ZNF80: variants seen among roughly 807,000 people sequenced by gnomAD.
The protein encoded by ZNF80 is zinc finger protein 80.
For missense variants in ZNF80, 394 were observed against 334.1 expected, an observed-to-expected ratio of 1.18 and a Z score of -1.40; for synonymous variants, 132 against 119.4, an observed-to-expected ratio of 1.11 and a Z score of -0.69.
Position 114,237,067 on chromosome 3 carries a change from G to C in ZNF80, c.8C>G (p.Pro3Arg). Residue 3 changes from proline to arginine, a missense_variant, in exon 1 of 1, where the codon CCT (proline) becomes CGT (arginine). By Grantham distance (103) the Pro-to-Arg change is moderately radical (BLOSUM62 -2). Transcript: ENST00000482457. MS[P>R]KRDGLGTGDG... is the part of the protein sequence containing the mutation. ...ACCTGTCCCCAACCCATCGCGTTTA[G>C]GGCTCATCTTCCTCCAGAAGGTCTC... 6.3e-7 allele frequency: 1 copy of C among 1,586,172 alleles called. No homozygotes were observed. Among genetic ancestry groups the C allele is most frequent in the Non-Finnish European group, 8.6e-7 (1 of 1,165,778 alleles).
In ZNF80 at chr3:114,236,162, C is replaced by T; in HGVS notation, c.*91G>A. 1.0e-6 allele frequency: 1 copy of T among 960,320 alleles called. No homozygotes were observed. The highest frequency in any genetic ancestry group is 1.6e-6 in the Non-Finnish European group (1 of 644,112). 59.5% of individuals were successfully genotyped at this position (960,320 alleles called of 1,614,324 possible). ...GCAGGTCACAGCTTTCCTACTGCCACTGAATTCAGAGTGCTTCTCCTCAGT... is the reference window on the plus strand; with the variant it reads ...GCAGGTCACAGCTTTCCTACTGCCATTGAATTCAGAGTGCTTCTCCTCAGT... On this transcript the variant is annotated 3_prime_UTR_variant, in exon 1 of 1. Transcript: ENST00000482457.
chr3:114,236,562 G>A lies in ZNF80; in HGVS notation c.513C>T (p.Tyr171=). The change falls in exon 1 of 1, where the codon TAC becomes TAT. Residue 171 remains tyrosine, a synonymous_variant. Coordinates refer to ENST00000482457, the MANE Select transcript of ZNF80 (RefSeq NM_007136.4). The stretch of plus-strand genomic sequence containing the variant: ...TGTGCCGGGTTAAGGAAGAGTTGTA[G>A]TAAAAGGTTTTTCCACATTCTTTGC... ...FGCKECGKTF[Y]YNSSLTRHMK... The A allele has an allele frequency of 6.2e-7, 1 of 1,614,064 alleles. No individual in the cohort carries two copies. The highest frequency in any genetic ancestry group is 8.5e-7 in the Non-Finnish European group (1 of 1,180,008).
rs146464395 is a variant in ZNF80 at position 114,236,906 on chromosome 3, C to T, written c.169G>A (p.Val57Met). ...KTYKCKECGSVFNKNSLLVRH... is the reference protein window; with the variant it reads ...KTYKCKECGSMFNKNSLLVRH... ...ACAAGGAGGCTGTTTTTGTTAAACACGCTCCCACATTCCTTGCATTTGTAG... is the reference window on the plus strand; with the variant it reads ...ACAAGGAGGCTGTTTTTGTTAAACATGCTCCCACATTCCTTGCATTTGTAG... Residue 57 changes from valine to methionine, a missense_variant, in exon 1 of 1, where the codon GTG becomes ATG. Val to Met is a conservative substitution (Grantham distance 21, BLOSUM62 1). Transcript: ENST00000482457. The T allele has an allele frequency of 0.012, 19,468 of 1,614,156 alleles. 349 individuals carry two copies. The highest frequency in any genetic ancestry group is 0.084 in the Admixed American group (5,070 of 60,022).
rs2078207607 is a variant in ZNF80, at chr3:114,237,061, C to G, written c.14G>C (p.Arg5Pro). ...ACCATCACCTGTCCCCAACCCATCG[C>G]GTTTAGGGCTCATCTTCCTCCAGAA... is the stretch of plus-strand genomic sequence containing the variant. MSPK[R>P]DGLGTGDGLH... is the part of the protein sequence containing the mutation. The change falls in exon 1 of 1, where the codon CGC (arginine) becomes CCC (proline). Residue 5 changes from arginine to proline, a missense_variant. Transcript: ENST00000482457. 19 of 1,589,978 alleles carry G rather than the reference C, an allele frequency of 1.2e-5. No homozygotes were observed. In the East Asian group the frequency reaches 4.3e-4, roughly 36 times the overall value.
chr3:114,236,488 T>A lies in ZNF80; in HGVS notation c.587A>T (p.Lys196Met), dbSNP rs2107923886. ...EKPCKCSECG[K>M]TFTYRSVFFR... ...GAAAACAGAGCGGTAGGTGAAGGTC[T>A]TCCCGCACTCACTGCACTTGCAGGG... The change falls in exon 1 of 1, where the codon AAG (lysine) becomes ATG (methionine). Residue 196 changes from lysine (K) to methionine (M), a missense_variant. Physicochemically the swap from Lys to Met is moderately conservative, Grantham distance 95. Transcript: ENST00000482457. 1.2e-6 allele frequency: 2 copies of A among 1,612,908 alleles called. No individual in the cohort carries two copies. Among genetic ancestry groups the A allele is most frequent in the East Asian group, 4.5e-5 (2 of 44,852 alleles).
Position 114,237,138 on chromosome 3 carries a change from A to C in ZNF80, c.-64T>G. On this transcript the variant is annotated 5_prime_UTR_variant, in exon 1 of 1. Transcript: ENST00000482457. ...AACTCAAGTGCCCTTCTGCATTTCC[A>C]ACTGTGTCCGGAATTGGTGGGTTCT... 2.1e-6 allele frequency: 3 copies of C among 1,450,470 alleles called. No homozygotes were observed. In the South Asian group the frequency reaches 4.0e-5, roughly 19 times the overall value. The allele number at this position is 1,450,470 out of a possible 1,614,324, so 89.8% of individuals were successfully genotyped here.
rs899316474 is a variant in ZNF80 at position 114,237,024 on chromosome 3, C to G, written c.51G>C (p.Gln17His). The G allele has an allele frequency of 1.2e-6, 2 of 1,613,004 alleles. No individual in the cohort carries two copies. Among genetic ancestry groups the G allele is most frequent in the Admixed American group, 1.7e-5 (1 of 59,994 alleles). Reference sequence around the variant, plus strand: ...CTGTGGAGACCTGCTCCTGTAAAACCTGTGAGTGCAGACCATCACCTGTCC... The same window carrying G: ...CTGTGGAGACCTGCTCCTGTAAAACGTGTGAGTGCAGACCATCACCTGTCC... Reference protein sequence around the residue: ...GLGTGDGLHSQVLQEQVSTGD... With the variant: ...GLGTGDGLHSHVLQEQVSTGD... The change falls in exon 1 of 1, where the codon CAG (glutamine) becomes CAC (histidine). Residue 17 changes from glutamine to histidine, a missense_variant. Gln to His is a conservative substitution (Grantham distance 24, BLOSUM62 0). Coordinates refer to ENST00000482457, the MANE Select transcript of ZNF80 (RefSeq NM_007136.4).
Position 114,236,257 on chromosome 3 carries a change from A to T in ZNF80, c.818T>A (p.Leu273His). ...AAATTCCCACATCATTTGCACTCAA[A>T]GGTTTTTTCCTCCAGAGTGGATCTT... The part of the protein sequence containing the change: ...QSKIHSGGKN[L>H] The change falls in exon 1 of 1, where the codon CTT becomes CAT. Residue 273 changes from leucine (L) to histidine (H), a missense_variant. Transcript: ENST00000482457. 6.4e-7 allele frequency: 1 copy of T among 1,564,682 alleles called. No individual in the cohort carries two copies. The highest frequency in any genetic ancestry group is 8.6e-7 in the Non-Finnish European group (1 of 1,159,440).
At chr3:114,236,636 CAG>C (rs1455816829) in exon 1 of ZNF80, 10 of 1,614,176 alleles carry the variant, frequency 6.2e-6, no homozygotes, top group African/African-American at 2.7e-5. Flanking sequence ...TGGATGAAGA[CAG>C]AGTGATAGCT....
Position 114,236,227 on chromosome 3 carries a change from C to T in ZNF80, c.*26G>A. ...ATCAAAGAAAAAAAAAAAAAGAAAA[C>T]CCACAAATTCCCACATCATTTGCAC... On this transcript the variant is annotated 3_prime_UTR_variant, in exon 1 of 1. Transcript: ENST00000482457. 6.6e-7 allele frequency: 1 copy of T among 1,506,052 alleles called. No individual in the cohort carries two copies. The highest frequency in any genetic ancestry group is 1.3e-5 in the South Asian group (1 of 75,556). 93.3% of individuals were successfully genotyped at this position (1,506,052 alleles called of 1,614,324 possible).
exon 1 of ZNF80, chr3:114,237,026 G>A: frequency 6.2e-7 from 1 of 1,612,938 alleles, no homozygotes; most frequent in African/African-American, 1.3e-5. Flanking sequence ...TGTAAAACCT[G>A]TGAGTGCAGA....
Position 114,236,250 on chromosome 3 carries a change from C to A in ZNF80, c.*3G>T, listed in dbSNP as rs1394302070. ...AACCCACAAATTCCCACATCATTTG[C>A]ACTCAAAGGTTTTTTCCTCCAGAGT... On this transcript the variant is annotated 3_prime_UTR_variant, in exon 1 of 1. Transcript: ENST00000482457. 1 of 1,554,570 alleles carries A rather than the reference C, an allele frequency of 6.4e-7. No individual in the cohort carries two copies. Among genetic ancestry groups the A allele is most frequent in the Non-Finnish European group, 8.7e-7 (1 of 1,153,854 alleles).
At position 114,236,716 on chromosome 3, in the gene ZNF80, A is replaced by G; in HGVS notation, c.359T>C (p.Leu120Pro). Reference protein sequence around the residue: ...CGKVFNRRSHLLCYRQIHTGE... With the variant: ...CGKVFNRRSHPLCYRQIHTGE... ...AGTGTGAATCTGGCGGTAGCACAGGAGGTGCGACCTGCGGTTGAAGACCTT... is the reference window on the plus strand; with the variant it reads ...AGTGTGAATCTGGCGGTAGCACAGGGGGTGCGACCTGCGGTTGAAGACCTT... The change falls in exon 1 of 1, where the codon CTC becomes CCC. Residue 120 changes from leucine to proline, a missense_variant. Leu to Pro is a moderately conservative substitution (Grantham distance 98, BLOSUM62 -3). Transcript: ENST00000482457. The G allele has an allele frequency of 6.2e-7, 1 of 1,614,188 alleles. No individual in the cohort carries two copies. The highest frequency in any genetic ancestry group is 1.1e-5 in the South Asian group (1 of 91,088).
rs938210568 is a variant in ZNF80 at position 114,234,982 on chromosome 3, G to A, written c.*1271C>T. On this transcript the variant is annotated 3_prime_UTR_variant, in exon 1 of 1. Transcript: ENST00000482457. ...GATAAACATTTAGATTGTTCTCAAC[G>A]TTTCACACATAAAAACAAAACTGCA... The A allele has an allele frequency of 3.3e-5, 5 of 152,142 alleles. No homozygotes were observed. Among genetic ancestry groups the A allele is most frequent in the African/African-American group, 1.2e-4 (5 of 41,420 alleles). The allele number at this position is 152,142 out of a possible 1,614,324, so 9.4% of individuals were successfully genotyped here.
Position 114,235,967 on chromosome 3 carries a change from A to G in ZNF80, c.*286T>C, listed in dbSNP as rs2078200131. ...GAAAAATTCTCAGATGCTGAGGAAGATATTTCCTGTGGCCAAAAGATTTTC... is the reference window on the plus strand; with the variant it reads ...GAAAAATTCTCAGATGCTGAGGAAGGTATTTCCTGTGGCCAAAAGATTTTC... On this transcript the variant is annotated 3_prime_UTR_variant, in exon 1 of 1. Transcript: ENST00000482457. 3.6e-6 allele frequency: 1 copy of G among 279,678 alleles called. No individual in the cohort carries two copies. The highest frequency in any genetic ancestry group is 4.7e-5 in the Admixed American group (1 of 21,412). The allele number at this position is 279,678 out of a possible 1,614,324, so 17.3% of individuals were successfully genotyped here. A position where few individuals can be genotyped will look rare whatever the true frequency, so the allele number is the denominator to read the frequency against.
Position 114,236,581 on chromosome 3 carries a change from T to A in ZNF80, c.494A>T (p.Glu165Val), listed in dbSNP as rs1192272965. Residue 165 changes from glutamate (E) to valine (V), a missense_variant, in exon 1 of 1, where the codon GAA (glutamate) becomes GTA (valine). Transcript: ENST00000482457. ...GTTGTAGTAAAAGGTTTTTCCACAT[T>A]CTTTGCACCCAAAGAGTTTTTCTCC... ...HTGEKLFGCKECGKTFYYNSS... is the reference protein window; with the variant it reads ...HTGEKLFGCKVCGKTFYYNSS... 34 of 1,614,170 alleles carry A rather than the reference T, an allele frequency of 2.1e-5. No individual in the cohort carries two copies. The highest frequency in any genetic ancestry group is 2.8e-5 in the Non-Finnish European group (33 of 1,180,034).
exon 1 of ZNF80, chr3:114,236,747 AC>A: frequency 6.2e-7 from 1 of 1,614,114 alleles, no homozygotes; most frequent in Non-Finnish European, 8.5e-7. Flanking sequence ...ACCTTCCCGC[AC>A]TCCACGCACT....
chr3:114,236,550 G>A lies in ZNF80; in HGVS notation c.525C>T (p.Ser175=). 6.2e-7 allele frequency: 1 copy of A among 1,614,192 alleles called. No individual in the cohort carries two copies. The highest frequency in any genetic ancestry group is 8.5e-7 in the Non-Finnish European group (1 of 1,180,030). ...ECGKTFYYNS[S]LTRHMKIHTG... ...TGTGAATCTTCATGTGCCGGGTTAA[G>A]GAAGAGTTGTAGTAAAAGGTTTTTC... is the stretch of plus-strand genomic sequence containing the variant. The change falls in exon 1 of 1, where the codon TCC becomes TCT. Residue 175 remains serine (S), a synonymous_variant. Transcript: ENST00000482457.
At position 114,235,903 on chromosome 3, in the gene ZNF80, T is replaced by TCGCCGTA; in HGVS notation, c.*349_*350insTACGGCG. 1.1e-5 allele frequency: 2 copies of TCGCCGTA among 189,182 alleles called. No homozygotes were observed. Among genetic ancestry groups the TCGCCGTA allele is most frequent in the Admixed American group, 5.3e-5 (1 of 18,772 alleles). 11.7% of individuals were successfully genotyped at this position (189,182 alleles called of 1,614,324 possible). A position where few individuals can be genotyped will look rare whatever the true frequency, so the allele number is the denominator to read the frequency against. Reference sequence around the variant, plus strand: ...AAACTATGGAGAGAGGTGTGGGTGGTTCTTTTAAGTGCACAATAACCAACA... The same window carrying TCGCCGTA: ...AAACTATGGAGAGAGGTGTGGGTGGTCGCCGTATCTTTTAAGTGCACAATAACCAACA... On this transcript the variant is annotated 3_prime_UTR_variant, in exon 1 of 1. Coordinates refer to ENST00000482457, the MANE Select transcript of ZNF80 (RefSeq NM_007136.4).
Sources: allele counts gnomAD v4.1 joint callset, GRCh38; gene constraint gnomAD v4.1.1; transcripts MANE v1.5; gene names NCBI Gene and HGNC (gene_info 2026-07-23, HGNC 2026-07-21).